ACER2: variants seen among roughly 807,000 people sequenced by gnomAD.
The protein encoded by ACER2 is alkaline ceramidase 2, also known as alkCDase 2.
A neutral mutation model predicts 34.7 loss-of-function variants in ACER2; 26 were observed. The observed-to-expected ratio is 0.75, with a 90% CI of 0.55 to 1.04. The LOEUF is 1.04. Among genes scored for constraint, ACER2 ranks in the 50% least tolerant of loss-of-function variants. The pLI, the probability that ACER2 is intolerant of heterozygous loss-of-function variation, is 0.00. For missense variants in ACER2, 352 were observed against 340.8 expected, an observed-to-expected ratio of 1.03 and a Z score of -0.26; for synonymous variants, 138 against 132.1, an observed-to-expected ratio of 1.04 and a Z score of -0.31.
chr9:19,450,598 C>A lies in ACER2; in HGVS notation c.790C>A (p.Leu264Met), dbSNP rs767754483. ...CATTGGTGTCCCCTATGTGTCCCTC[C>A]TGTGTGCCAACAAGAAATCATCAGT... is the stretch of plus-strand genomic sequence containing the variant. ...AFIGVPYVSL[L>M]CANKKSSVKI... Residue 264 changes from leucine (L) to methionine (M), a missense_variant, in exon 6 of 6, where the codon CTG becomes ATG. Coordinates refer to ENST00000340967, the MANE Select transcript of ACER2 (RefSeq NM_001010887.3). The A allele has an allele frequency of 1.3e-6, 2 of 1,587,002 alleles. No homozygotes were observed. The highest frequency in any genetic ancestry group is 2.2e-5 in the South Asian group (2 of 89,456).
chr9:19,419,134 T>A (rs7031482), intron 1 of ACER2, among the ~76,000 whole-genome samples: 1 of 151,846 alleles, frequency 6.6e-6, no homozygotes, highest in East Asian at 1.9e-4. Flanking sequence ...GAGGTTGCAG[T>A]GAGCCGAGAT....
chr9:19,431,606 G>C (rs2132495932), intron 3 of ACER2, among the ~76,000 whole-genome samples: 1 of 152,330 alleles, frequency 6.6e-6, no homozygotes, highest in African/African-American at 2.4e-5. Flanking sequence ...TCACCCTGAG[G>C]CTGGAGCAGG....
chr9:19,424,272 C>A, intron 2 of ACER2: 1 of 769,120 alleles, frequency 1.3e-6, no homozygotes, highest in Non-Finnish European at 1.6e-6. Flanking sequence ...TCTGGGGAGG[C>A]TGGTTTCTAA....
intron 5 of ACER2, among the ~76,000 whole-genome samples, chr9:19,449,856 C>T (rs1366338353): frequency 6.9e-6 from 1 of 144,866 alleles, no homozygotes; most frequent in Non-Finnish European, 1.5e-5. Context: ...TGCACCATTG[C>T]ACTCCAGCCT....
chr9:19,411,798 A>G (rs963847560), intron 1 of ACER2, among the ~76,000 whole-genome samples: 7 of 152,188 alleles, frequency 4.6e-5, no homozygotes, highest in African/African-American at 7.2e-5. Context: ...AACCTTCTTA[A>G]TGGGTCTTAG....
At chr9:19,422,751 G>C in intron 1 of ACER2, among the ~76,000 whole-genome samples, 1 of 151,512 alleles carries the variant, frequency 6.6e-6, no homozygotes. Context: ...ACAAAAGCAG[G>C]CGGGCGCAGT....
chr9:19,410,057 A>G lies in ACER2; in HGVS notation c.108+865A>G, dbSNP rs1490246189. 3 of 611,004 alleles carry G rather than the reference A, an allele frequency of 4.9e-6. No homozygotes were observed. The African/African-American group carries it at 6.0e-5, about 12-fold the overall frequency. 37.8% of individuals were successfully genotyped at this position (611,004 alleles called of 1,614,324 possible). A position where few individuals can be genotyped will look rare whatever the true frequency, so the allele number is the denominator to read the frequency against. On this transcript the variant is annotated intron_variant, in intron 1 of 5. Coordinates refer to ENST00000340967, the MANE Select transcript of ACER2 (RefSeq NM_001010887.3). Reference sequence around the variant, plus strand: ...ACAGAATGTGAGACTTTGCGTGGTCATTTCTGTGGCTTATCTTTTCACCGC... The same window carrying G: ...ACAGAATGTGAGACTTTGCGTGGTCGTTTCTGTGGCTTATCTTTTCACCGC...
intron 4 of ACER2, among the ~76,000 whole-genome samples, chr9:19,441,566 G>C (rs1831159160): frequency 6.6e-6 from 1 of 151,984 alleles, no homozygotes; most frequent in South Asian, 2.1e-4. Flanking sequence ...TGGCCCTCTT[G>C]CTTGGCTAAC....
intron 1 of ACER2, among the ~76,000 whole-genome samples, chr9:19,422,357 A>G (rs1194288577): frequency 6.6e-6 from 1 of 152,118 alleles, no homozygotes; most frequent in East Asian, 1.9e-4. Context: ...TTACATGTTC[A>G]AATGACAATA....
At chr9:19,449,890 T>TAA (rs543959118) in intron 5 of ACER2, among the ~76,000 whole-genome samples, 5 of 131,358 alleles carry the variant, frequency 3.8e-5, no homozygotes, top group African/African-American at 5.8e-5. Flanking sequence ...AGACTTCATT[T>TAA]AAAAAAAAAA....
At chr9:19,432,496 G>A (rs1026035379) in intron 3 of ACER2, among the ~76,000 whole-genome samples, 1 of 151,672 alleles carries the variant, frequency 6.6e-6, no homozygotes, top group African/African-American at 2.4e-5. Context: ...CTTATTCTCT[G>A]TAATGACAGA....
chr9:19,449,775 C>T (rs1261048457), intron 5 of ACER2, among the ~76,000 whole-genome samples: 1 of 151,494 alleles, frequency 6.6e-6, no homozygotes, highest in African/African-American at 2.4e-5. Context: ...GCCTGTAATC[C>T]CAGCTACTTG....
At chr9:19,432,629 TTTA>T (rs1455098186) in intron 3 of ACER2, among the ~76,000 whole-genome samples, 3 of 148,392 alleles carry the variant, frequency 2.0e-5, no homozygotes, top group Non-Finnish European at 4.5e-5. Context: ...ATTACACATA[TTTA>T]TTAATGCACA....
intron 1 of ACER2, chr9:19,410,033 C>A: frequency 2.6e-6 from 2 of 763,680 alleles, no homozygotes; most frequent in Non-Finnish European, 3.2e-6. Context: ...AATCCTGGTA[C>A]AGAATGTGAG....
At chr9:19,440,820 G>A (rs533337719) in intron 4 of ACER2, among the ~76,000 whole-genome samples, 1 of 151,936 alleles carries the variant, frequency 6.6e-6, no homozygotes, top group Non-Finnish European at 1.5e-5. Context: ...CTACTATTAT[G>A]TGTCTAGCTG....
intron 1 of ACER2, chr9:19,409,978 C>T: frequency 1.0e-6 from 1 of 973,346 alleles, no homozygotes; most frequent in Non-Finnish European, 1.2e-6. Context: ...AGGGTTGCAG[C>T]TGGGAGAGGA....
At position 19,450,715 on chromosome 9, in the gene ACER2, G is replaced by T. The variant is rs1454801375; in HGVS notation, c.*79G>T. 3.0e-6 allele frequency: 4 copies of T among 1,351,384 alleles called. No individual in the cohort carries two copies. The highest frequency in any genetic ancestry group is 4.0e-6 in the Non-Finnish European group (4 of 1,007,390). 83.7% of individuals were successfully genotyped at this position (1,351,384 alleles called of 1,614,324 possible). A position where few individuals can be genotyped will look rare whatever the true frequency, so the allele number is the denominator to read the frequency against. On this transcript the variant is annotated 3_prime_UTR_variant, in exon 6 of 6. Coordinates refer to ENST00000340967, the MANE Select transcript of ACER2 (RefSeq NM_001010887.3). The stretch of plus-strand genomic sequence containing the variant: ...CTTTGCTAGGAAGACAGCCAAGGGA[G>T]TTCGAATAGTTGGGGTGTGGGCTAT...
At chr9:19,418,851 AGAAG>A (rs1830318598) in intron 1 of ACER2, among the ~76,000 whole-genome samples, 1 of 152,182 alleles carries the variant, frequency 6.6e-6, no homozygotes, top group Non-Finnish European at 1.5e-5. Flanking sequence ...AATTAAAAAA[AGAAG>A]AAAGAAAGTT....
At chr9:19,433,025 C>T (rs1349380024) in intron 3 of ACER2, among the ~76,000 whole-genome samples, 1 of 151,954 alleles carries the variant, frequency 6.6e-6, no homozygotes, top group Admixed American at 6.6e-5. Context: ...CATATCTCAC[C>T]TTCAGTGAAG....
Sources: allele counts gnomAD v4.1 joint callset (sites outside exome capture counted in the v4.1 genomes callset), GRCh38; gene constraint gnomAD v4.1.1; transcripts MANE v1.5; gene names NCBI Gene and HGNC (gene_info 2026-07-23, HGNC 2026-07-21).